RRN3: variants seen among roughly 807,000 people sequenced by gnomAD.
The protein encoded by RRN3 is RNA polymerase I transcription factor RRN3.
RRN3 carries 38 observed loss-of-function variants against 82.3 expected under a neutral mutation model. The ratio of observed to expected loss-of-function variants is 0.46; its 90% CI spans 0.36 to 0.61. The LOEUF (loss-of-function observed/expected upper bound fraction) is 0.61. Among genes scored for constraint, RRN3 ranks in the 20% least tolerant of loss-of-function variants. The pLI is 0.00. For missense variants in RRN3, 726 were observed against 793.1 expected, an observed-to-expected ratio of 0.92 and a Z score of 1.02; for synonymous variants, 284 against 284.3, an observed-to-expected ratio of 1.00 and a Z score of 0.01.
Position 15,069,231 on chromosome 16 carries a change from C to T in RRN3, c.1444+839G>A, listed in dbSNP as rs576366486. Among the ~76,000 whole-genome samples, 11 of 152,084 alleles carry T rather than the reference C, an allele frequency of 7.2e-5. No homozygotes were observed. In the East Asian group the frequency reaches 7.7e-4, roughly 11 times the overall value. On this transcript the variant is annotated intron_variant, in intron 14 of 17. Transcript: ENST00000198767. ...TTTAGTTGTCACAGCTGGGGGTGGT[C>T]GGGGACTGCTGTTGGCAGCTAGTAG...
intron 17 of RRN3, 62 bp downstream of exon 17, chr16:15,063,134 T>G: frequency 1.6e-6 from 2 of 1,254,678 alleles, no homozygotes; most frequent in Non-Finnish European, 2.3e-6. Context: ...ACTTACTATC[T>G]CACTGTGACC....
chr16:15,089,959 A>G (rs1394131796), intron 3 of RRN3, among the ~76,000 whole-genome samples: 1 of 151,978 alleles, frequency 6.6e-6, no homozygotes, highest in Non-Finnish European at 1.5e-5. Context: ...TTGTAATCCC[A>G]GCACTTTGGG....
chr16:15,072,866 G>C (rs1252512464), intron 12 of RRN3, 84 bp downstream of exon 12: 56 of 1,344,152 alleles, frequency 4.2e-5, no homozygotes, highest in Non-Finnish European at 5.8e-5. Flanking sequence ...TTACTTCATG[G>C]TCTCCGTCCA....
chr16:15,079,588 T>C (rs1366218372), intron 9 of RRN3, among the ~76,000 whole-genome samples: 12 of 118,572 alleles, frequency 1.0e-4, no homozygotes, highest in Non-Finnish European at 1.9e-4. Flanking sequence ...GTGCTAGTGG[T>C]TTCTTTTCTT....
Position 15,094,244 on chromosome 16 carries a change from T to G in RRN3, c.-11A>C. On this transcript the variant is annotated 5_prime_UTR_variant, in exon 1 of 18. Coordinates refer to ENST00000198767, the MANE Select transcript of RRN3 (RefSeq NM_018427.5). ...CAGCGGTGCCGCCATTGGGCCGAACTAACGCGACCGCTGCGCCTCAGGCCG... is the reference window on the plus strand; with the variant it reads ...CAGCGGTGCCGCCATTGGGCCGAACGAACGCGACCGCTGCGCCTCAGGCCG... 1 of 1,567,586 alleles carries G rather than the reference T, an allele frequency of 6.4e-7. No individual in the cohort carries two copies. The highest frequency in any genetic ancestry group is 8.7e-7 in the Non-Finnish European group (1 of 1,155,016).
intron 1 of RRN3, among the ~76,000 whole-genome samples, chr16:15,093,468 A>G (rs1271477389): frequency 6.6e-6 from 1 of 152,076 alleles, no homozygotes; most frequent in African/African-American, 2.4e-5. Flanking sequence ...TTTCCCCCCT[A>G]TGCTGTAAGC....
At chr16:15,081,792 A>G (rs186371541) in intron 8 of RRN3, among the ~76,000 whole-genome samples, 27 of 152,310 alleles carry the variant, frequency 1.8e-4, no homozygotes, top group African/African-American at 6.0e-4. Flanking sequence ...TCAGAGTTTT[A>G]CAGTTTTTAC....
At chr16:15,063,542 A>G (rs1356838505) in intron 16 of RRN3, among the ~76,000 whole-genome samples, 2 of 151,908 alleles carry the variant, frequency 1.3e-5, no homozygotes, top group Admixed American at 6.6e-5. Context: ...CCCCATCTCT[A>G]CTAAAAATAC....
intron 16 of RRN3, among the ~76,000 whole-genome samples, chr16:15,063,523 A>G (rs1191699778): frequency 1.3e-5 from 2 of 152,020 alleles, no homozygotes; most frequent in Admixed American, 6.6e-5. Flanking sequence ...CCTGGCTAAC[A>G]CGGTGAAACC....
Position 15,092,605 on chromosome 16 carries a change from A to G in RRN3, c.99T>C (p.Asn33=). Residue 33 remains asparagine (N), a synonymous_variant, in exon 2 of 18, where the codon AAT becomes AAC. Coordinates refer to ENST00000198767, the MANE Select transcript of RRN3 (RefSeq NM_018427.5). ...KLGASRTGIS[N]MRALENDFFN... Reference sequence around the variant, plus strand: ...AAAAGTCATTCTCTAATGCACGCATATTTGAAATCCTGTGGAACCAAGATT... The same window carrying G: ...AAAAGTCATTCTCTAATGCACGCATGTTTGAAATCCTGTGGAACCAAGATT... 2.5e-6 allele frequency: 4 copies of G among 1,605,956 alleles called. No homozygotes were observed. Among genetic ancestry groups the G allele is most frequent in the Non-Finnish European group, 3.4e-6 (4 of 1,173,016 alleles).
rs533864487 is a variant in RRN3 at position 15,079,052 on chromosome 16, C to T, written c.765+946G>A. Among the ~76,000 whole-genome samples, 189 of 152,174 alleles carry T rather than the reference C, an allele frequency of 1.2e-3. 1 individual carries two copies. The highest frequency in any genetic ancestry group is 6.8e-3 in the Middle Eastern group (2 of 294). On this transcript the variant is annotated intron_variant, in intron 9 of 17. Transcript: ENST00000198767. ...GTCTCGATCTCCTGACCTCGTGATC[C>T]GCCCGCCTCGGCCTCCCAAAGTGCT...
intron 3 of RRN3, among the ~76,000 whole-genome samples, chr16:15,090,291 A>T (rs1326112091): frequency 6.6e-6 from 1 of 152,204 alleles, no homozygotes; most frequent in Non-Finnish European, 1.5e-5. Context: ...TGATAAGAAC[A>T]GTGGACTTAA....
At chr16:15,082,370 T>C (rs2045743716) in intron 8 of RRN3, among the ~76,000 whole-genome samples, 1 of 152,116 alleles carries the variant, frequency 6.6e-6, no homozygotes, top group Non-Finnish European at 1.5e-5. Flanking sequence ...TTAATTCATT[T>C]TCAGGTACTA....
rs764486891 is a variant in RRN3 at position 15,085,705 on chromosome 16, A to C, written c.473-7T>G. The stretch of plus-strand genomic sequence containing the variant: ...TCCTTAATGATCACTCGGGCTTTTG[A>C]GGGAAAAAGAAAATATGTTATTCTG... On this transcript the variant is annotated splice_polypyrimidine_tract_variant and splice_region_variant and intron_variant, in intron 5 of 17. Coordinates refer to ENST00000198767, the MANE Select transcript of RRN3 (RefSeq NM_018427.5). 9.9e-6 allele frequency: 16 copies of C among 1,612,930 alleles called. No individual in the cohort carries two copies. The Admixed American group carries it at 2.5e-4, about 25-fold the overall frequency.
rs956271399 is a variant in RRN3, at chr16:15,061,262, A to G, written c.*482T>C. The G allele has an allele frequency of 1.3e-5, 2 of 153,362 alleles. No individual in the cohort carries two copies. The highest frequency in any genetic ancestry group is 6.5e-5 in the Admixed American group (1 of 15,326). 9.5% of individuals were successfully genotyped at this position (153,362 alleles called of 1,614,324 possible). A position where few individuals can be genotyped will look rare whatever the true frequency, so the allele number is the denominator to read the frequency against. Reference sequence around the variant, plus strand: ...ATACCAATACAGCAGAAGGTGAACAATGTAGCCAAAATAAACACTTTCTAG... The same window carrying G: ...ATACCAATACAGCAGAAGGTGAACAGTGTAGCCAAAATAAACACTTTCTAG... On this transcript the variant is annotated 3_prime_UTR_variant, in exon 18 of 18. Coordinates refer to ENST00000198767, the MANE Select transcript of RRN3 (RefSeq NM_018427.5).
At position 15,092,557 on chromosome 16, in the gene RRN3, A is replaced by G. The variant is rs140745047; in HGVS notation, c.147T>C (p.Thr49=). 393 of 1,613,730 alleles carry G rather than the reference A, an allele frequency of 2.4e-4. 3 individuals are homozygous for G. Among genetic ancestry groups the G allele is most frequent in the Non-Finnish European group, 1.8e-4 (213 of 1,179,652 alleles). Residue 49 remains threonine, a synonymous_variant, in exon 2 of 18, where the codon ACT becomes ACC. Transcript: ENST00000198767. ...NDFFNSPPRK[T]VRFGGTVTEV... ...CTGTCACAGTTCCACCAAACCGAAC[A>G]GTTTTTCTTGGGGGAGAATTGAAAA...
Position 15,086,386 on chromosome 16 carries a change from C to T in RRN3, c.321G>A (p.Glu107=). The T allele has an allele frequency of 6.2e-7, 1 of 1,613,716 alleles. No individual in the cohort carries two copies. Among genetic ancestry groups the T allele is most frequent in the East Asian group, 2.2e-5 (1 of 44,854 alleles). ...TTACTAATATAATACTGATAAGTTG[C>T]TCAAAGTCTTTTGTCAAGTACATGA... ...SSIMYLTKDF[E]QLISIILRLP... is the part of the protein sequence containing the mutation. The change falls in exon 4 of 18, where the codon GAG becomes GAA. Residue 107 remains glutamate, a synonymous_variant. Transcript: ENST00000198767.
rs752190884 is a variant in RRN3, at chr16:15,068,176, T to C, written c.1546A>G (p.Ile516Val). ...LPSVVNFFAA[I>V]TNKYQLVFCY... ...AAAGCGTAAATAACTTACTTTGTGATTGCAGCAAAAAAGTTAACCACTGAG... is the reference window on the plus strand; with the variant it reads ...AAAGCGTAAATAACTTACTTTGTGACTGCAGCAAAAAAGTTAACCACTGAG... The change falls in exon 15 of 18, where the codon ATC (isoleucine) becomes GTC (valine). Residue 516 changes from isoleucine (I) to valine (V), a missense_variant. Around this residue, in one of 4 missense-constraint regions of RRN3, gnomAD observed 81 missense variants for 156.4 expected, o/e 0.52. Transcript: ENST00000198767. The C allele has an allele frequency of 3.8e-6, 6 of 1,577,350 alleles. No homozygotes were observed. The highest frequency in any genetic ancestry group is 3.5e-5 in the South Asian group (3 of 85,964).
At chr16:15,078,809 T>A (rs2045571075) in intron 9 of RRN3, among the ~76,000 whole-genome samples, 1 of 127,608 alleles carries the variant, frequency 7.8e-6, no homozygotes, top group Non-Finnish European at 1.7e-5. Flanking sequence ...TTCGTATTTT[T>A]TTCTTTTTTT....
Sources: allele counts gnomAD v4.1 joint callset (sites outside exome capture counted in the v4.1 genomes callset), GRCh38; gene constraint gnomAD v4.1.1; regional missense constraint gnomAD v4.1.1; transcripts MANE v1.5; gene names NCBI Gene and HGNC (gene_info 2026-07-23, HGNC 2026-07-21).